The following SNAP23 variants were observed in gnomAD, a reference collection of about 807,000 sequenced individuals.
SNAP23 encodes the protein synaptosome associated protein 23.
SNAP23 carries 11 observed loss-of-function variants against 29.0 expected under a neutral mutation model. The observed-to-expected ratio is 0.38, with a 90% CI of 0.24 to 0.63. The LOEUF is 0.63. SNAP23 is among the 20% of genes least tolerant of loss of function. The pLI, the probability that SNAP23 is intolerant of heterozygous loss-of-function variation, is 0.58. For missense variants in SNAP23, 220 were observed against 253.9 expected (o/e 0.87, Z 0.91); for synonymous variants, 60 against 82.9 (o/e 0.72, Z 1.50).
chr15:42,527,905 T>C (rs571772841), intron 5 of SNAP23: 111 of 185,880 alleles, frequency 6.0e-4, no homozygotes, highest in African/African-American at 2.4e-3. Flanking sequence ...ATTAACCTCT[T>C]TTCTAGATAG....
At chr15:42,502,573 C>T (rs993316974) in intron 1 of SNAP23, among the ~76,000 whole-genome samples, 2 of 152,142 alleles carry the variant, frequency 1.3e-5, no homozygotes, top group Non-Finnish European at 2.9e-5. Flanking sequence ...CAGAGCTAAA[C>T]TATGTGGATG....
intron 1 of SNAP23, among the ~76,000 whole-genome samples, chr15:42,502,260 G>A (rs899869865): frequency 5.3e-5 from 8 of 152,084 alleles, no homozygotes; most frequent in African/African-American, 1.9e-4. Context: ...TCCTGACCTC[G>A]TGATCCGCCT....
chr15:42,520,630 G>A (rs897032688), intron 5 of SNAP23, among the ~76,000 whole-genome samples: 3 of 152,040 alleles, frequency 2.0e-5, no homozygotes, highest in Non-Finnish European at 4.4e-5. Context: ...GGGTAGCTGG[G>A]ACTACAGGCG....
At chr15:42,529,908 G>A (rs1047031765) in intron 7 of SNAP23, 89 bp downstream of exon 7, 17 of 1,387,796 alleles carry the variant, frequency 1.2e-5, no homozygotes, top group South Asian at 6.7e-5. Flanking sequence ...TGGGGGACAC[G>A]GTAGAATAAG....
chr15:42,528,244 C>T lies in SNAP23; in HGVS notation c.267-18C>T. On this transcript the variant is annotated intron_variant, in intron 5 of 7. Coordinates refer to ENST00000249647, the MANE Select transcript of SNAP23 (RefSeq NM_003825.4). ...TTCTTTTTTTTGGTATCTCCCTACA[C>T]TCCTGACTCTTATATAGAACAAAGA... 1.2e-6 allele frequency: 2 copies of T among 1,611,484 alleles called. No homozygotes were observed. The highest frequency in any genetic ancestry group is 2.2e-5 in the East Asian group (1 of 44,854).
chr15:42,521,540 T>G lies in SNAP23; in HGVS notation c.266+6186T>G, dbSNP rs2057449501. The G allele has an allele frequency of 2.0e-6, 3 of 1,505,996 alleles. No individual in the cohort carries two copies. In the South Asian group the frequency reaches 3.8e-5, roughly 19 times the overall value. The allele number at this position is 1,505,996 out of a possible 1,614,324, so 93.3% of individuals were successfully genotyped here. On this transcript the variant is annotated intron_variant, in intron 5 of 7. Coordinates refer to ENST00000249647, the MANE Select transcript of SNAP23 (RefSeq NM_003825.4). The stretch of plus-strand genomic sequence containing the variant: ...TAAACCTGCTTCTGTTCTGTTTGAC[T>G]GGCATTTACTATTTTCTGCATTTCA...
chr15:42,529,486 G>A (rs1372498989), intron 6 of SNAP23, among the ~76,000 whole-genome samples, 189 bp from the exon 7 acceptor site: 1 of 152,148 alleles, frequency 6.6e-6, no homozygotes, highest in Non-Finnish European at 1.5e-5. Context: ...ATGGCTTTAA[G>A]ATACTGTGCT....
chr15:42,497,501 G>A (rs1445282510), intron 1 of SNAP23, among the ~76,000 whole-genome samples: 3 of 152,026 alleles, frequency 2.0e-5, no homozygotes, highest in South Asian at 2.1e-4. Flanking sequence ...GAGCCACCGC[G>A]CCTGGCTAAT....
rs1227486052 is a variant in SNAP23, at chr15:42,528,259, T to C, written c.267-3T>C. 4 of 1,613,682 alleles carry C rather than the reference T, an allele frequency of 2.5e-6. No individual in the cohort carries two copies. Among genetic ancestry groups the C allele is most frequent in the East Asian group, 4.5e-5 (2 of 44,862 alleles). ...TCTCCCTACACTCCTGACTCTTATATAGAACAAAGAACTTTGAGTCTGGCA... is the reference window on the plus strand; with the variant it reads ...TCTCCCTACACTCCTGACTCTTATACAGAACAAAGAACTTTGAGTCTGGCA... On this transcript the variant is annotated splice_polypyrimidine_tract_variant and splice_region_variant and intron_variant, in intron 5 of 7. Coordinates refer to ENST00000249647, the MANE Select transcript of SNAP23 (RefSeq NM_003825.4).
chr15:42,513,383 TC>T lies in SNAP23; in HGVS notation c.100-10del, dbSNP rs1567044958. The T allele has an allele frequency of 5.6e-6, 9 of 1,612,288 alleles. No individual in the cohort carries two copies. The highest frequency in any genetic ancestry group is 1.1e-5 in the South Asian group (1 of 91,044). On this transcript the variant is annotated splice_polypyrimidine_tract_variant and intron_variant, in intron 3 of 7. Coordinates refer to ENST00000249647, the MANE Select transcript of SNAP23 (RefSeq NM_003825.4). ...TTTGTTTTGTTGTACTATCAGCTTT[TC>T]CCCCCTTGTCTTAGTCTCAGGATGC... is the stretch of plus-strand genomic sequence containing the variant.
chr15:42,512,613 G>T (rs995577945), intron 2 of SNAP23, among the ~76,000 whole-genome samples: 2 of 151,994 alleles, frequency 1.3e-5, no homozygotes, highest in Non-Finnish European at 2.9e-5. Flanking sequence ...TTCTGACCTC[G>T]TGATCCGCCC....
At chr15:42,524,923 C>G (rs1270962098) in intron 5 of SNAP23, among the ~76,000 whole-genome samples, 2 of 152,192 alleles carry the variant, frequency 1.3e-5, no homozygotes, top group African/African-American at 4.8e-5. Context: ...AAGGCATTAC[C>G]TAGAGTGGAC....
At chr15:42,502,229 T>TTAGCCAGGATGGTC (rs376257048) in intron 1 of SNAP23, among the ~76,000 whole-genome samples, 152 of 152,160 alleles carry the variant, frequency 1.0e-3, no homozygotes, top group African/African-American at 3.5e-3. Context: ...TTTCACCTTG[T>TTAGCCAGGATGGTC]TAGCCAGGAT....
Position 42,529,738 on chromosome 15 carries a change from G to A in SNAP23, c.489G>A (p.Leu163=), listed in dbSNP as rs546085654. 8.1e-6 allele frequency: 13 copies of A among 1,614,070 alleles called. No homozygotes were observed. In the South Asian group the frequency reaches 1.2e-4, roughly 15 times the overall value. The change falls in exon 7 of 8, where the codon CTG becomes CTA. Residue 163 remains leucine (L), a synonymous_variant. Coordinates refer to ENST00000249647, the MANE Select transcript of SNAP23 (RefSeq NM_003825.4). ...ACCTGACTCAAGTGGGCAGTATCCT[G>A]GGAAATCTAAAAGACATGGCCCTGA... ...EENLTQVGSI[L]GNLKDMALNI...
intron 1 of SNAP23, among the ~76,000 whole-genome samples, chr15:42,507,258 T>C (rs1428642868): frequency 6.6e-6 from 1 of 152,178 alleles, no homozygotes; most frequent in Admixed American, 6.5e-5. Context: ...ATCTGTAAAA[T>C]AGTATAATGA....
At chr15:42,493,365 T>C (rs1002865938), upstream of SNAP23, among the ~76,000 whole-genome samples, 32 of 151,736 alleles carry the variant, frequency 2.1e-4, no homozygotes, top group South Asian at 6.2e-4. Context: ...TATATATATA[T>C]ACATATATGT....
chr15:42,515,463 A>G (rs2057390660), intron 5 of SNAP23, 109 bp downstream of exon 5: 1 of 667,634 alleles, frequency 1.5e-6, no homozygotes. Context: ...ACTCTATTAG[A>G]TAAATCTAAG....
At chr15:42,502,751 C>T (rs2057284162) in intron 1 of SNAP23, among the ~76,000 whole-genome samples, 1 of 152,134 alleles carries the variant, frequency 6.6e-6, no homozygotes, top group African/African-American at 2.4e-5. Flanking sequence ...TCACATAGAA[C>T]GTCCCCTTTC....
chr15:42,508,371 A>C (rs1170997702), intron 1 of SNAP23, among the ~76,000 whole-genome samples: 1 of 152,186 alleles, frequency 6.6e-6, no homozygotes, highest in Non-Finnish European at 1.5e-5. Flanking sequence ...CCTCAGGGCC[A>C]ATTGGTATCC....
Sources: allele counts gnomAD v4.1 joint callset (sites outside exome capture counted in the v4.1 genomes callset), GRCh38; gene constraint gnomAD v4.1.1; transcripts MANE v1.5; gene names NCBI Gene and HGNC (gene_info 2026-07-23, HGNC 2026-07-21).